GOLGA4: variants seen among roughly 807,000 people sequenced by gnomAD.
GOLGA4 encodes the protein golgin subfamily A member 4.
GOLGA4 carries 169 observed loss-of-function variants against 265.9 expected under a neutral mutation model. The ratio of observed to expected loss-of-function variants is 0.64; its 90% CI spans 0.56 to 0.72. GOLGA4 has a LOEUF of 0.72. Ranked by LOEUF, GOLGA4 falls within the 30% of genes least tolerant of loss-of-function variation. The pLI is 0.00. For synonymous variants in GOLGA4, 923 were observed against 855.8 expected, an observed-to-expected ratio of 1.08 and a Z score of -1.37; for missense variants, 2,482 against 2,483.4, an observed-to-expected ratio of 1.00 and a Z score of 0.01.
chr3:37,317,050 A>G (rs1447419612), intron 11 of GOLGA4, among the ~76,000 whole-genome samples: 1 of 152,172 alleles, frequency 6.6e-6, no homozygotes, highest in Non-Finnish European at 1.5e-5. Context: ...GTGATACCCC[A>G]TTTATTTTAA....
intron 10 of GOLGA4, among the ~76,000 whole-genome samples, chr3:37,307,215 C>CT (rs1159315656): frequency 2.0e-5 from 3 of 152,026 alleles, no homozygotes; most frequent in African/African-American, 7.2e-5. Context: ...ACATTCTTTG[C>CT]TTTTTTATTG....
chr3:37,357,778 A>T (rs2097094494), intron 22 of GOLGA4, among the ~76,000 whole-genome samples: 1 of 152,244 alleles, frequency 6.6e-6, no homozygotes, highest in Non-Finnish European at 1.5e-5. Flanking sequence ...ATTGAGCTGT[A>T]GCTCGCTAGA....
At chr3:37,272,935 G>A (rs2096802811) in intron 2 of GOLGA4, among the ~76,000 whole-genome samples, 1 of 152,138 alleles carries the variant, frequency 6.6e-6, no homozygotes, top group Non-Finnish European at 1.5e-5. Flanking sequence ...GATGTAATCA[G>A]TAGAATGTTG....
At chr3:37,298,713 AGGTTAGAACCAAGAT>A in intron 7 of GOLGA4, 105 bp from the exon 8 acceptor site, 2 of 677,280 alleles carry the variant, frequency 3.0e-6, no homozygotes, top group Non-Finnish European at 2.6e-6. Flanking sequence ...GACAGCTTAA[AGGTTAGAACCAAGAT>A]GGAGTCGGTT....
At chr3:37,271,769 G>A (rs998889096) in intron 2 of GOLGA4, among the ~76,000 whole-genome samples, 1 of 150,628 alleles carries the variant, frequency 6.6e-6, no homozygotes, top group African/African-American at 2.4e-5. Context: ...GCACAGGTCC[G>A]TGGCCCTTTA....
intron 16 of GOLGA4, among the ~76,000 whole-genome samples, chr3:37,332,395 A>G (rs1252697700): frequency 6.6e-6 from 1 of 152,130 alleles, no homozygotes; most frequent in Non-Finnish European, 1.5e-5. Flanking sequence ...TCATCCCAAC[A>G]CTTTGGGAGG....
Position 37,340,108 on chromosome 3 carries a change from T to A in GOLGA4, c.6397-16T>A. 1 of 1,003,830 alleles carries A rather than the reference T, an allele frequency of 1.0e-6. No homozygotes were observed. The highest frequency in any genetic ancestry group is 1.6e-6 in the Non-Finnish European group (1 of 641,790). 62.2% of individuals were successfully genotyped at this position (1,003,830 alleles called of 1,614,324 possible). A position where few individuals can be genotyped will look rare whatever the true frequency, so the allele number is the denominator to read the frequency against. ...CCCTGTGAATCTTATATGGTCTGAT[T>A]ATTTGTTATTTTTAGATTCACAATT... On this transcript the variant is annotated splice_polypyrimidine_tract_variant and intron_variant, in intron 19 of 23. Coordinates refer to ENST00000361924, the MANE Select transcript of GOLGA4 (RefSeq NM_002078.5).
intron 10 of GOLGA4, among the ~76,000 whole-genome samples, chr3:37,312,127 G>A (rs1301350333): frequency 6.6e-6 from 1 of 152,184 alleles, no homozygotes; most frequent in Non-Finnish European, 1.5e-5. Flanking sequence ...AGATATTTCT[G>A]TGAATTACTC....
At chr3:37,336,790 A>T (rs1477422982) in intron 17 of GOLGA4, among the ~76,000 whole-genome samples, 7 of 143,280 alleles carry the variant, frequency 4.9e-5, no homozygotes, top group Admixed American at 4.7e-4. Flanking sequence ...GAGAGAGAGA[A>T]AGAGAAAGAG....
At chr3:37,298,726 G>A in intron 7 of GOLGA4, 107 bp from the exon 8 acceptor site, 1 of 743,226 alleles carries the variant, frequency 1.3e-6, no homozygotes, top group Non-Finnish European at 2.3e-6. Context: ...TTAGAACCAA[G>A]ATGGAGTCGG....
chr3:37,365,765 A>G (rs1696700466), intron 23 of GOLGA4, among the ~76,000 whole-genome samples: 1 of 150,296 alleles, frequency 6.7e-6, no homozygotes, highest in African/African-American at 2.4e-5. Flanking sequence ...TTTTTAGAAG[A>G]TACCTTTAAG....
At chr3:37,352,666 A>G (rs891190087) in intron 21 of GOLGA4, among the ~76,000 whole-genome samples, 44 of 152,064 alleles carry the variant, frequency 2.9e-4, no homozygotes, top group African/African-American at 1.1e-3. Context: ...GAAGGGAATT[A>G]GGGCCTTGCT....
chr3:37,274,578 C>T (rs1304222913), intron 2 of GOLGA4, among the ~76,000 whole-genome samples: 1 of 151,916 alleles, frequency 6.6e-6, no homozygotes, highest in Non-Finnish European at 1.5e-5. Context: ...CCTGTAATCC[C>T]AGCTATTCAG....
At chr3:37,278,469 C>T (rs1203290956) in intron 2 of GOLGA4, among the ~76,000 whole-genome samples, 1 of 152,158 alleles carries the variant, frequency 6.6e-6, no homozygotes, top group African/African-American at 2.4e-5. Context: ...TCCCAGAGTG[C>T]TGGGATTACA....
chr3:37,338,449 CTTTA>C (rs1455569229), intron 19 of GOLGA4, among the ~76,000 whole-genome samples: 5 of 152,112 alleles, frequency 3.3e-5, no homozygotes, highest in Admixed American at 3.3e-4. Flanking sequence ...CCCAATGTGA[CTTTA>C]TTTTTTTGTT....
intron 3 of GOLGA4, among the ~76,000 whole-genome samples, chr3:37,284,741 T>G (rs751012988): frequency 6.6e-6 from 1 of 151,022 alleles, no homozygotes; most frequent in Non-Finnish European, 1.5e-5. Flanking sequence ...ACGGCTCACC[T>G]TGTAGCCTTG....
At chr3:37,280,296 G>A (rs2096831380) in intron 2 of GOLGA4, among the ~76,000 whole-genome samples, 1 of 152,184 alleles carries the variant, frequency 6.6e-6, no homozygotes, top group Non-Finnish European at 1.5e-5. Context: ...AATGATGGTG[G>A]TGCCAGACAA....
At chr3:37,351,882 G>A (rs6550473) in intron 21 of GOLGA4, among the ~76,000 whole-genome samples, 59,722 of 151,868 alleles carry the variant, frequency 0.39, 12,314 homozygotes, top group Non-Finnish European at 0.43. Context: ...GGATCTTTGG[G>A]ATGGTAAATG....
At chr3:37,265,882 G>A (rs1411851285) in intron 2 of GOLGA4, among the ~76,000 whole-genome samples, 1 of 151,792 alleles carries the variant, frequency 6.6e-6, no homozygotes, top group East Asian at 1.9e-4. Flanking sequence ...ACAAAAATTA[G>A]CAGGCATAGT....
Sources: gnomAD v4.1 joint callset for allele counts (sites outside exome capture counted in the v4.1 genomes callset) on GRCh38, gnomAD v4.1.1 for gene constraint, MANE v1.5 for transcripts, NCBI Gene and HGNC (gene_info 2026-07-23, HGNC 2026-07-21) for gene names.